TJP1: variants seen among roughly 807,000 people sequenced by gnomAD.
TJP1 encodes the protein tight junction protein ZO-1.
A neutral mutation model predicts 194.2 loss-of-function variants in TJP1; 43 were observed. That is an observed-to-expected ratio of 0.22 (90% confidence interval 0.17 to 0.29). TJP1 has a LOEUF of 0.29. Ranked by LOEUF, TJP1 falls within the 10% of genes least tolerant of loss-of-function variation. The probability of loss-of-function intolerance (pLI) is 1.00; values close to 1 mark genes in which losing one functional copy is unlikely to be tolerated. For missense variants in TJP1, 1,971 were observed against 2,185.7 expected (o/e 0.90, Z 1.96); for synonymous variants, 801 against 779.0 (o/e 1.03, Z -0.47).
At chr15:29,843,231 C>T (rs923918893) in intron 2 of TJP1, among the ~76,000 whole-genome samples, 15 of 151,124 alleles carry the variant, frequency 9.9e-5, no homozygotes, top group Non-Finnish European at 1.9e-4. Flanking sequence ...TCTTGTTGCC[C>T]AGGCTGGAGT....
intron 2 of TJP1, among the ~76,000 whole-genome samples, chr15:29,782,733 G>A (rs1051465167): frequency 1.3e-5 from 2 of 151,758 alleles, no homozygotes; most frequent in Non-Finnish European, 2.9e-5. Flanking sequence ...CACAGCAAAA[G>A]AAACCATCAA....
chr15:29,914,482 T>C (rs1161057704), intron 2 of TJP1, among the ~76,000 whole-genome samples: 2 of 152,078 alleles, frequency 1.3e-5, no homozygotes, highest in African/African-American at 4.8e-5. Context: ...AGCCAGATAC[T>C]ATAATGGGGG....
chr15:29,789,998 G>A (rs2151802418), intron 2 of TJP1, among the ~76,000 whole-genome samples: 1 of 152,306 alleles, frequency 6.6e-6, no homozygotes, highest in South Asian at 2.1e-4. Context: ...CAGGGACTGT[G>A]CAGTTGATCC....
At chr15:29,781,093 T>C (rs2047342676) in intron 2 of TJP1, among the ~76,000 whole-genome samples, 1 of 151,828 alleles carries the variant, frequency 6.6e-6, no homozygotes, top group Admixed American at 6.6e-5. Flanking sequence ...AACTATTAGC[T>C]AGACAAAGAA....
Position 29,733,326 on chromosome 15 carries a change from AAAAC to A in TJP1, c.1517-17_1517-14del, listed in dbSNP as rs1161570196. On this transcript the variant is annotated splice_polypyrimidine_tract_variant and intron_variant, in intron 12 of 27. Coordinates refer to ENST00000614355, the MANE Select transcript of TJP1 (RefSeq NM_001330239.4). ...ATGCGACGATAAACTAAAAGGAATAAAAACAAACACATTATCAATATTTAGTGGG... is the reference window on the plus strand; with the variant it reads ...ATGCGACGATAAACTAAAAGGAATAAAAACACATTATCAATATTTAGTGGG... The A allele has an allele frequency of 6.5e-7, 1 of 1,548,664 alleles. No individual in the cohort carries two copies. The highest frequency in any genetic ancestry group is 1.4e-5 in the African/African-American group (1 of 73,394).
chr15:29,711,087 T>TAA (rs368869541), intron 23 of TJP1, 87 bp from the exon 24 acceptor site: 138 of 1,150,956 alleles, frequency 1.2e-4, no homozygotes, highest in South Asian at 2.6e-4. Flanking sequence ...ATCTCTAAGT[T>TAA]AAAAAAAAAA....
intron 2 of TJP1, among the ~76,000 whole-genome samples, chr15:29,924,893 C>T (rs2054478988): frequency 1.3e-5 from 2 of 152,228 alleles, no homozygotes; most frequent in African/African-American, 4.8e-5. Context: ...TCTGACTCCT[C>T]CCCATAGTCC....
intron 2 of TJP1, among the ~76,000 whole-genome samples, chr15:29,947,467 G>T (rs1255686047): frequency 2.0e-5 from 3 of 152,132 alleles, no homozygotes; most frequent in Non-Finnish European, 4.4e-5. Context: ...TTAATTTTCT[G>T]GTCTGTGAGT....
At chr15:29,737,004 T>A (rs1282928086) in intron 11 of TJP1, among the ~76,000 whole-genome samples, 1 of 152,238 alleles carries the variant, frequency 6.6e-6, no homozygotes, top group Non-Finnish European at 1.5e-5. Flanking sequence ...TTTATTTCCA[T>A]GAACACGAGT....
intron 1 of TJP1, among the ~76,000 whole-genome samples, chr15:29,805,529 A>ATCAT (rs745317591): frequency 3.8e-4 from 58 of 152,300 alleles, no homozygotes; most frequent in African/African-American, 1.1e-3. Flanking sequence ...CAATCCATGT[A>ATCAT]TCATTCATTC....
chr15:29,894,612 C>T (rs998805032), intron 2 of TJP1, among the ~76,000 whole-genome samples: 4 of 152,174 alleles, frequency 2.6e-5, no homozygotes, highest in Non-Finnish European at 4.4e-5. Flanking sequence ...GCCCAGAGCA[C>T]ACCTATTGCG....
In TJP1 at chr15:29,742,053, T is replaced by C. The variant is rs532346837; in HGVS notation, c.1150+589A>G. On this transcript the variant is annotated intron_variant, in intron 9 of 27. Coordinates refer to ENST00000614355, the MANE Select transcript of TJP1 (RefSeq NM_001330239.4). ...ACCTGGACAACAAAGCAAGATTCCA[T>C]CTCTCCAAAACAACAACAAAAAACA... Among the ~76,000 whole-genome samples, 6 of 151,244 alleles carry C rather than the reference T, an allele frequency of 4.0e-5. No homozygotes were observed. The South Asian group carries it at 1.2e-3, about 31-fold the overall frequency.
In TJP1 at chr15:29,708,911, G is replaced by A. The variant is rs568455549; in HGVS notation, c.4498C>T (p.Pro1500Ser). ...GCTTTATCTGGAAAACTTTTCTGGGGATAGAAAGCTGCCTGAGCAGTATCT... is the reference window on the plus strand; with the variant it reads ...GCTTTATCTGGAAAACTTTTCTGGGAATAGAAAGCTGCCTGAGCAGTATCT... Reference protein sequence around the residue: ...REDTAQAAFYPQKSFPDKAPV... With the variant: ...REDTAQAAFYSQKSFPDKAPV... Residue 1500 changes from proline to serine, a missense_variant, in exon 25 of 28, where the codon CCC becomes TCC. Transcript: ENST00000614355. 1.1e-5 allele frequency: 18 copies of A among 1,614,024 alleles called. No individual in the cohort carries two copies. The highest frequency in any genetic ancestry group is 1.5e-5 in the Non-Finnish European group (18 of 1,180,046).
chr15:29,949,950 C>G (rs1310029086), intron 2 of TJP1, among the ~76,000 whole-genome samples: 3 of 47,776 alleles, frequency 6.3e-5, no homozygotes, highest in African/African-American at 1.8e-4. Context: ...TCCACAACCA[C>G]CACCACCACC....
intron 2 of TJP1, among the ~76,000 whole-genome samples, chr15:29,775,762 G>A (rs952001717): frequency 5.9e-5 from 9 of 152,026 alleles, no homozygotes; most frequent in African/African-American, 1.2e-4. Context: ...AGACACTACA[G>A]AACAAATTCA....
intron 2 of TJP1, among the ~76,000 whole-genome samples, chr15:29,920,890 C>G (rs1419249584): frequency 2.0e-5 from 3 of 152,194 alleles, no homozygotes; most frequent in Non-Finnish European, 1.5e-5. Context: ...AATACCCCCA[C>G]ATTTAACCCT....
chr15:29,772,283 AT>A, intron 3 of TJP1, 117 bp from the exon 4 acceptor site: 1 of 602,498 alleles, frequency 1.7e-6, no homozygotes, highest in South Asian at 2.3e-5. Flanking sequence ...CAATTAATTA[AT>A]TTCTCTTCAG....
intron 2 of TJP1, among the ~76,000 whole-genome samples, chr15:29,856,562 T>G (rs2051858069): frequency 6.6e-6 from 1 of 152,092 alleles, no homozygotes; most frequent in Non-Finnish European, 1.5e-5. Context: ...AAACTTCAGA[T>G]GGAGTAAAGA....
intron 2 of TJP1, among the ~76,000 whole-genome samples, chr15:29,843,746 T>C (rs1353774257): frequency 6.6e-6 from 1 of 152,110 alleles, no homozygotes; most frequent in African/African-American, 2.4e-5. Flanking sequence ...AGGAGGAGGA[T>C]AGGGCATCTG....
Sources: gnomAD v4.1 joint callset for allele counts (sites outside exome capture counted in the v4.1 genomes callset) on GRCh38, gnomAD v4.1.1 for gene constraint, MANE v1.5 for transcripts, NCBI Gene and HGNC (gene_info 2026-07-23, HGNC 2026-07-21) for gene names.